Variants in ITGAE observed in about 807,000 individuals in gnomAD.
ITGAE encodes the protein integrin alpha-E.
Under a neutral mutation model 136.5 loss-of-function variants are expected in ITGAE, and 99 were observed. The observed-to-expected ratio is 0.73, with a 90% CI of 0.62 to 0.86. The LOEUF is 0.86. Among genes scored for constraint, ITGAE ranks in the 40% least tolerant of loss-of-function variants. The probability of loss-of-function intolerance (pLI) is 0.00; values close to 1 mark genes in which losing one functional copy is unlikely to be tolerated. For missense variants in ITGAE, 1,447 were observed against 1,515.3 expected, an observed-to-expected ratio of 0.95 and a Z score of 0.75; for synonymous variants, 613 against 591.8, an observed-to-expected ratio of 1.04 and a Z score of -0.52.
At chr17:3,740,148 G>A (rs2051550387) in intron 19 of ITGAE, among the ~76,000 whole-genome samples, 1 of 152,190 alleles carries the variant, frequency 6.6e-6, no homozygotes, top group African/African-American at 2.4e-5. Flanking sequence ...TGACCTTCAC[G>A]GAATGTTAGG....
At chr17:3,778,244 T>C (rs2052588872) in intron 1 of ITGAE, among the ~76,000 whole-genome samples, 1 of 152,130 alleles carries the variant, frequency 6.6e-6, no homozygotes, top group Non-Finnish European at 1.5e-5. Flanking sequence ...CAACAACAGA[T>C]ACAGCAGCGT....
Position 3,729,510 on chromosome 17 carries a change from T to C in ITGAE, c.2880A>G (p.Gln960=), listed in dbSNP as rs1203989827. The change falls in exon 24 of 31, where the codon CAA becomes CAG. Residue 960 remains glutamine (Q), a synonymous_variant. Transcript: ENST00000263087. ...RSLANETHTL[Q]FRHGFVAVLS... is the part of the protein sequence containing the mutation. ...GAACTGCAACGAAGCCATGCCTGAA[T>C]TGAAGGGTGTGGGTCTCGTTGGCCA... 22 of 1,612,214 alleles carry C rather than the reference T, an allele frequency of 1.4e-5. No individual in the cohort carries two copies. The highest frequency in any genetic ancestry group is 1.9e-5 in the Non-Finnish European group (22 of 1,178,360).
chr17:3,758,849 G>A (rs1241942027), intron 8 of ITGAE, among the ~76,000 whole-genome samples: 2 of 152,024 alleles, frequency 1.3e-5, no homozygotes, highest in African/African-American at 4.8e-5. Context: ...GCTGAGGCCG[G>A]GCGCGGTGGC....
Position 3,727,103 on chromosome 17 carries a change from A to C in ITGAE, c.3084+816T>G, listed in dbSNP as rs148719954. On this transcript the variant is annotated intron_variant, in intron 26 of 30. Coordinates refer to ENST00000263087, the MANE Select transcript of ITGAE (RefSeq NM_002208.5). ...TTCCGTTTTTTGAGCCTTAACACTT[A>C]TGTAGTCTGAGCAAAAAAAAAATGC... Among the ~76,000 whole-genome samples, 256 of 149,236 alleles carry C rather than the reference A, an allele frequency of 1.7e-3. 1 individual carries two copies. Among genetic ancestry groups the C allele is most frequent in the African/African-American group, 6.1e-3 (251 of 41,266 alleles).
At chr17:3,797,258 C>T (rs1442212103) in intron 1 of ITGAE, among the ~76,000 whole-genome samples, 19 of 146,750 alleles carry the variant, frequency 1.3e-4, no homozygotes, top group African/African-American at 3.5e-4. Context: ...CTCCGCCTCC[C>T]GGGTTCACGC....
chr17:3,750,082 T>C (rs1183091891), intron 16 of ITGAE, among the ~76,000 whole-genome samples: 2 of 152,156 alleles, frequency 1.3e-5, no homozygotes, highest in Admixed American at 6.5e-5. Context: ...CTAAATACTT[T>C]GTATATATTC....
At chr17:3,790,511 A>C (rs989685667) in intron 1 of ITGAE, among the ~76,000 whole-genome samples, 6 of 60,366 alleles carry the variant, frequency 9.9e-5, no homozygotes, top group African/African-American at 4.6e-4. Flanking sequence ...GTCTCAAACA[A>C]ACACACACAC....
At chr17:3,794,600 AC>A (rs1173952635) in intron 1 of ITGAE, among the ~76,000 whole-genome samples, 4 of 151,950 alleles carry the variant, frequency 2.6e-5, no homozygotes, top group Admixed American at 2.6e-4. Flanking sequence ...CCAGATCAAG[AC>A]CCCTAGGCAG....
Position 3,745,822 on chromosome 17 carries a change from TC to T in ITGAE, c.2260del (p.Glu754SerfsTer99), listed in dbSNP as rs2051699188. On this transcript the variant is annotated frameshift_variant, in exon 18 of 31. Coordinates refer to ENST00000263087, the MANE Select transcript of ITGAE (RefSeq NM_002208.5). LOFTEE classifies it high-confidence loss of function. ...ACAAAGCTGGGATCCGCTGCTCCAC[TC>T]CCTCAGGCAGCCCAGACAGCTTCTT... ...DVRSCLGCLR[E>X]WSSGSQLCED... 1 of 1,613,908 alleles carries T rather than the reference TC, an allele frequency of 6.2e-7. No individual in the cohort carries two copies. Among genetic ancestry groups the T allele is most frequent in the Non-Finnish European group, 8.5e-7 (1 of 1,179,986 alleles).
At chr17:3,725,891 G>C in intron 26 of ITGAE, 2 of 1,612,464 alleles carry the variant, frequency 1.2e-6, no homozygotes, top group Non-Finnish European at 1.7e-6. Flanking sequence ...ACTTACACTG[G>C]GGGAACGTGC....
intron 19 of ITGAE, among the ~76,000 whole-genome samples, chr17:3,742,721 T>C (rs1394545104): frequency 6.6e-6 from 1 of 152,244 alleles, no homozygotes; most frequent in African/African-American, 2.4e-5. Flanking sequence ...CTTGGCTCAC[T>C]GGAACCTCTG....
intron 24 of ITGAE, among the ~76,000 whole-genome samples, chr17:3,729,182 C>G (rs2051284919): frequency 6.6e-6 from 1 of 152,132 alleles, no homozygotes; most frequent in South Asian, 2.1e-4. Flanking sequence ...CTTACTCATC[C>G]CCTCCTTACT....
chr17:3,727,263 G>A (rs2051235090), intron 26 of ITGAE, among the ~76,000 whole-genome samples: 1 of 152,150 alleles, frequency 6.6e-6, no homozygotes, highest in African/African-American at 2.4e-5. Flanking sequence ...AGTCTCAGGG[G>A]AGAAGAAGGG....
Position 3,747,912 on chromosome 17 carries a change from A to AT in ITGAE, c.2155+9dup, listed in dbSNP as rs746785558. 2.7e-5 allele frequency: 41 copies of AT among 1,544,496 alleles called. No homozygotes were observed. Among genetic ancestry groups the AT allele is most frequent in the African/African-American group, 8.4e-5 (6 of 71,334 alleles). On this transcript the variant is annotated intron_variant, in intron 17 of 30. Coordinates refer to ENST00000263087, the MANE Select transcript of ITGAE (RefSeq NM_002208.5). ...ACACCAGGCAGGGGTCAGCTGGACC[A>AT]TTTTTTTACCTGACTCAGAGGCTGT...
rs1472802324 is a variant in ITGAE, at chr17:3,798,606, G to A, written c.34+2505C>T. On this transcript the variant is annotated intron_variant, in intron 1 of 30. Transcript: ENST00000263087. This position sits in a 1 kb window ranked among gnomAD's most constrained non-coding sequence, Gnocchi z 4.3. ...GAGGTTTTCTATCACGCACAGGCCCGGGGTGATGCCCCGGCACAGCCCCTG... is the reference window on the plus strand; with the variant it reads ...GAGGTTTTCTATCACGCACAGGCCCAGGGTGATGCCCCGGCACAGCCCCTG... Among the ~76,000 whole-genome samples the A allele has an allele frequency of 1.3e-5, 2 of 152,154 alleles. No individual in the cohort carries two copies. Among genetic ancestry groups the A allele is most frequent in the Admixed American group, 6.5e-5 (1 of 15,276 alleles).
At chr17:3,762,038 C>A in intron 3 of ITGAE, 56 bp from the exon 4 acceptor site, 1 of 1,502,902 alleles carries the variant, frequency 6.7e-7, no homozygotes, top group Non-Finnish European at 9.2e-7. Flanking sequence ...GGCAGAGACC[C>A]GAAGCCAAGG....
At chr17:3,749,258 CT>C (rs796375843) in intron 16 of ITGAE, among the ~76,000 whole-genome samples, 261 of 143,952 alleles carry the variant, frequency 1.8e-3, no homozygotes, top group Middle Eastern at 7.2e-3. Context: ...CTCTGTTTTT[CT>C]TTTTTTTTTT....
intron 9 of ITGAE, 119 bp from the exon 10 acceptor site, chr17:3,757,253 T>C (rs1006101437): frequency 5.5e-5 from 67 of 1,223,450 alleles, no homozygotes; most frequent in Admixed American, 9.1e-5. Flanking sequence ...CTTCCTTCCT[T>C]TCTCCTCCTT....
chr17:3,759,256 G>T lies in ITGAE; in HGVS notation c.866+146C>A. The T allele has an allele frequency of 4.6e-6, 4 of 871,650 alleles. No homozygotes were observed. The South Asian group carries it at 5.0e-5, about 11-fold the overall frequency. 54.0% of individuals were successfully genotyped at this position (871,650 alleles called of 1,614,324 possible). On this transcript the variant is annotated intron_variant, in intron 8 of 30. Transcript: ENST00000263087. ...ACTTTTTGGAGGACAGCCTTGAGGT[G>T]TCATCCCTCACGTTCTCTCTCGGCC... is the stretch of plus-strand genomic sequence containing the variant.
Sources: gnomAD v4.1 joint callset for allele counts (sites outside exome capture counted in the v4.1 genomes callset) on GRCh38, gnomAD v4.1.1 for gene constraint, Gnocchi (gnomAD v3.1) non-coding constraint, MANE v1.5 for transcripts, NCBI Gene and HGNC (gene_info 2026-07-23, HGNC 2026-07-21) for gene names.